The following LAPTM5 variants were observed in gnomAD, a reference collection of about 807,000 sequenced individuals.
The protein encoded by LAPTM5 is lysosomal protein transmembrane 5, also known as lysosomal-associated transmembrane protein 5.
A neutral mutation model predicts 30.1 loss-of-function variants in LAPTM5; 11 were observed. The observed-to-expected ratio is 0.37, with a 90% CI of 0.23 to 0.60. The LOEUF (loss-of-function observed/expected upper bound fraction) is 0.60, where lower values mean the gene tolerates loss of function less well. LAPTM5 is among the 20% of genes least tolerant of loss of function. LAPTM5 has a pLI of 0.71. For synonymous variants in LAPTM5, 151 were observed against 137.9 expected (o/e 1.10, Z -0.67); for missense variants, 324 against 332.5 (o/e 0.97, Z 0.20).
At chr1:30,755,269 A>G (rs1640194244) in intron 1 of LAPTM5, among the ~76,000 whole-genome samples, 1 of 151,772 alleles carries the variant, frequency 6.6e-6, no homozygotes, top group South Asian at 2.1e-4. Context: ...CAGTGCTGCT[A>G]GTATCTAGTA....
Position 30,737,704 on chromosome 1 carries a change from A to C in LAPTM5, c.511-5T>G. 1 of 1,603,312 alleles carries C rather than the reference A, an allele frequency of 6.2e-7. No individual in the cohort carries two copies. Among genetic ancestry groups the C allele is most frequent in the Non-Finnish European group, 8.5e-7 (1 of 1,170,488 alleles). ...CTCCTGGCTGGGGAGGTAATTCTGC[A>C]ACAGATTTGGGGGCCACATCAATGT... On this transcript the variant is annotated splice_region_variant and splice_polypyrimidine_tract_variant and intron_variant, in intron 5 of 7. Transcript: ENST00000294507.
chr1:30,736,070 G>A (rs538080063), intron 6 of LAPTM5, among the ~76,000 whole-genome samples: 4 of 152,274 alleles, frequency 2.6e-5, no homozygotes, highest in Non-Finnish European at 5.9e-5. Flanking sequence ...GCTGGGGGAC[G>A]GAGCTGTGTG....
At chr1:30,738,428 C>T (rs1639919510) in intron 5 of LAPTM5, among the ~76,000 whole-genome samples, 1 of 152,130 alleles carries the variant, frequency 6.6e-6, no homozygotes, top group South Asian at 2.1e-4. Flanking sequence ...AGTGAGCCAC[C>T]AGGAGTTCAT....
chr1:30,732,946 C>T lies in LAPTM5; in HGVS notation c.*882G>A, dbSNP rs1639832642. On this transcript the variant is annotated 3_prime_UTR_variant, in exon 8 of 8. Transcript: ENST00000294507. ...AAAATGACTCCTTTCATGGAATCCACTGTTATGCAGCCACACTGACCACAG... is the reference window on the plus strand; with the variant it reads ...AAAATGACTCCTTTCATGGAATCCATTGTTATGCAGCCACACTGACCACAG... 1 of 152,288 alleles carries T rather than the reference C, an allele frequency of 6.6e-6. No individual in the cohort carries two copies. The highest frequency in any genetic ancestry group is 1.5e-5 in the Non-Finnish European group (1 of 68,084). 9.4% of individuals were successfully genotyped at this position (152,288 alleles called of 1,614,324 possible).
intron 1 of LAPTM5, among the ~76,000 whole-genome samples, chr1:30,756,598 A>T (rs1640213726): frequency 6.6e-6 from 1 of 152,234 alleles, no homozygotes; most frequent in African/African-American, 2.4e-5. Context: ...GTCTGCATCC[A>T]GAGGCCGTGG....
chr1:30,736,624 C>CATA (rs1639888914), intron 6 of LAPTM5, among the ~76,000 whole-genome samples: 1 of 151,440 alleles, frequency 6.6e-6, no homozygotes, highest in Non-Finnish European at 1.5e-5. Context: ...TTTGTAGAGA[C>CATA]AGAATCTTGC....
At chr1:30,742,364 G>T in intron 2 of LAPTM5, 92 bp downstream of exon 2, 1 of 827,644 alleles carries the variant, frequency 1.2e-6, no homozygotes, top group Non-Finnish European at 2.0e-6. Context: ...ATGGAGAGGT[G>T]GCAGTGCCTC....
At chr1:30,757,051 G>T (rs1216128418) in intron 1 of LAPTM5, among the ~76,000 whole-genome samples, 4 of 152,226 alleles carry the variant, frequency 2.6e-5, no homozygotes, top group African/African-American at 9.6e-5. Context: ...TTACCCTAAT[G>T]ATTAGCACAG....
At position 30,742,412 on chromosome 1, in the gene LAPTM5, T is replaced by C. The variant is rs1418863506; in HGVS notation, c.181+44A>G. The C allele has an allele frequency of 2.1e-6, 3 of 1,440,402 alleles. No homozygotes were observed. In the Admixed American group the frequency reaches 5.4e-5, roughly 26 times the overall value. 89.2% of individuals were successfully genotyped at this position (1,440,402 alleles called of 1,614,324 possible). Reference sequence around the variant, plus strand: ...GGCTATCCCTGGCCAGGGCCCTCCCTGTCCTCCTCCCCCCGCCACTCCACC... The same window carrying C: ...GGCTATCCCTGGCCAGGGCCCTCCCCGTCCTCCTCCCCCCGCCACTCCACC... On this transcript the variant is annotated intron_variant, in intron 2 of 7. Transcript: ENST00000294507.
intron 1 of LAPTM5, among the ~76,000 whole-genome samples, chr1:30,745,564 G>A (rs999637072): frequency 5.3e-5 from 8 of 152,182 alleles, no homozygotes; most frequent in South Asian, 2.1e-4. Context: ...GGCAGGGGAC[G>A]AGGGAGGACT....
intron 6 of LAPTM5, 26 bp downstream of exon 6, chr1:30,737,578 G>A (rs1639905883): frequency 6.4e-7 from 1 of 1,567,834 alleles, no homozygotes; most frequent in Non-Finnish European, 8.8e-7. Flanking sequence ...ACCCCTCCCA[G>A]AGCCGCAGGG....
At chr1:30,743,593 G>A (rs1214617306) in intron 1 of LAPTM5, among the ~76,000 whole-genome samples, 2 of 152,090 alleles carry the variant, frequency 1.3e-5, no homozygotes, top group Non-Finnish European at 2.9e-5. Context: ...CTTCCCCTAT[G>A]ACATACATAC....
At chr1:30,737,544 G>A (rs527438194) in intron 6 of LAPTM5, 60 bp downstream of exon 6, 13 of 1,285,002 alleles carry the variant, frequency 1.0e-5, no homozygotes, top group Admixed American at 1.7e-5. Flanking sequence ...GCATGGGCAG[G>A]CCTGGGCCCA....
intron 7 of LAPTM5, 134 bp from the exon 8 acceptor site, chr1:30,734,051 T>C: frequency 1.0e-6 from 1 of 979,110 alleles, no homozygotes. Context: ...GGATATTTGC[T>C]ATGTGCTAGA....
chr1:30,744,271 C>A (rs796436952), intron 1 of LAPTM5, among the ~76,000 whole-genome samples: 2 of 152,280 alleles, frequency 1.3e-5, no homozygotes, highest in African/African-American at 4.8e-5. Context: ...GGCTGACACT[C>A]ACAGGAAACA....
At chr1:30,734,843 C>T (rs144076860) in intron 7 of LAPTM5, among the ~76,000 whole-genome samples, 130 of 152,338 alleles carry the variant, frequency 8.5e-4, no homozygotes, top group Non-Finnish European at 1.6e-3. Flanking sequence ...TTCCTCTGTG[C>T]TTATTGTCCC....
In LAPTM5 at chr1:30,742,316, A is replaced by G; in HGVS notation, c.181+140T>C. The G allele has an allele frequency of 4.8e-6, 3 of 630,506 alleles. No homozygotes were observed. In the South Asian group the frequency reaches 5.7e-5, roughly 12 times the overall value. The allele number at this position is 630,506 out of a possible 1,614,324, so 39.1% of individuals were successfully genotyped here. A position where few individuals can be genotyped will look rare whatever the true frequency, so the allele number is the denominator to read the frequency against. ...TTGCGGATGAAACAGCTGAGGCCCC[A>G]AGAAAGGAAGACACTTGCCAGAGGT... On this transcript the variant is annotated intron_variant, in intron 2 of 7. Coordinates refer to ENST00000294507, the MANE Select transcript of LAPTM5 (RefSeq NM_006762.3).
At chr1:30,736,976 T>C (rs1377215055) in intron 6 of LAPTM5, among the ~76,000 whole-genome samples, 1 of 152,108 alleles carries the variant, frequency 6.6e-6, no homozygotes, top group African/African-American at 2.4e-5. Flanking sequence ...CTCAGGTCTT[T>C]GTTGGGTTTT....
Position 30,739,373 on chromosome 1 carries a change from G to A in LAPTM5, c.388-311C>T, listed in dbSNP as rs1639935014. ...GGTTTGGGAGACTGTGTCCTTGACT[G>A]GCAGCAGCCCTCAAGCCACCCCACA... On this transcript the variant is annotated intron_variant, in intron 4 of 7. Transcript: ENST00000294507. The surrounding 1 kb of genome is among the most constrained non-coding windows in gnomAD (Gnocchi z 4.2). The A allele has an allele frequency of 3.5e-6, 1 of 283,624 alleles. No individual in the cohort carries two copies. Among genetic ancestry groups the A allele is most frequent in the South Asian group, 5.3e-5 (1 of 19,010 alleles). The allele number at this position is 283,624 out of a possible 1,614,324, so 17.6% of individuals were successfully genotyped here.
Sources: gnomAD v4.1 joint callset for allele counts (sites outside exome capture counted in the v4.1 genomes callset) on GRCh38, gnomAD v4.1.1 for gene constraint, Gnocchi (gnomAD v3.1) non-coding constraint, MANE v1.5 for transcripts, NCBI Gene and HGNC (gene_info 2026-07-23, HGNC 2026-07-21) for gene names.